PRH1: variants seen among roughly 807,000 people sequenced by gnomAD.
PRH1 encodes the protein proline rich protein HaeIII subfamily 1.
Under a neutral mutation model 7.9 loss-of-function variants are expected in PRH1, and 7 were observed. That is an observed-to-expected ratio of 0.89 (90% CI 0.50 to 1.67). The LOEUF (loss-of-function observed/expected upper bound fraction) is 1.67, where lower values mean the gene tolerates loss of function less well. Ranked by LOEUF, PRH1 falls within the 40% of genes most tolerant of loss-of-function variation. PRH1 has a pLI of 0.00. For missense variants in PRH1, 109 were observed against 223.6 expected (o/e 0.49, Z 3.27); for synonymous variants, 45 against 80.8 (o/e 0.56, Z 2.38).
intron 1 of PRH1, among the ~76,000 whole-genome samples, chr12:11,024,636 C>T (rs1384122706): frequency 6.6e-6 from 1 of 152,054 alleles, no homozygotes; most frequent in African/African-American, 2.4e-5. Flanking sequence ...CTTTTCACTT[C>T]TCTATATTTT....
At chr12:11,046,113 G>A (rs1288513606) in intron 1 of PRH1, among the ~76,000 whole-genome samples, 1 of 152,116 alleles carries the variant, frequency 6.6e-6, no homozygotes, top group Non-Finnish European at 1.5e-5. Context: ...CTCCTTGAAA[G>A]AGAATTACTT....
In PRH1 at chr12:10,881,189, C is replaced by T. The variant is rs530652352; in HGVS notation, c.*19-133G>A. On this transcript the variant is annotated intron_variant, in intron 3 of 3. Transcript: ENST00000543626. The stretch of plus-strand genomic sequence containing the variant: ...CTCTTGCCCTCTATCCCTTCTACAG[C>T]CCCCTTCTCCTTAGTAATATTTTCT... The T allele has an allele frequency of 4.0e-4, 62 of 153,636 alleles. No individual in the cohort carries two copies. The South Asian group carries it at 5.3e-3, about 13-fold the overall frequency. 9.5% of individuals were successfully genotyped at this position (153,636 alleles called of 1,614,324 possible).
intron 2 of PRH1, among the ~76,000 whole-genome samples, chr12:10,927,512 C>T (rs1443133839): frequency 6.6e-6 from 1 of 152,242 alleles, no homozygotes; most frequent in Non-Finnish European, 1.5e-5. Context: ...ATTAAGAATG[C>T]ATTCCCACTT....
rs190328695 is a variant in PRH1 at position 11,093,795 on chromosome 12, G to A, written n.124-46607C>T. On this transcript the variant is annotated intron_variant and non_coding_transcript_variant, in intron 1 of 4. Coordinates refer to the PRH1 transcript ENST00000541977. The stretch of plus-strand genomic sequence containing the variant: ...GAGATTTGAGATGGCTTCCATACTG[G>A]GGATTCTTCCTCTTTCCATAGAGAT... Among the ~76,000 whole-genome samples the A allele has an allele frequency of 1.8e-3, 204 of 113,154 alleles. 49 individuals carry two copies. Among genetic ancestry groups the A allele is most frequent in the African/African-American group, 5.9e-3 (201 of 33,858 alleles). 74.2% of individuals were successfully genotyped at this position (113,154 alleles called of 152,430 possible).
At chr12:10,983,307 G>T (rs1443232752) in intron 1 of PRH1, among the ~76,000 whole-genome samples, 1 of 152,164 alleles carries the variant, frequency 6.6e-6, no homozygotes, top group Non-Finnish European at 1.5e-5. Flanking sequence ...CTAAGCACAA[G>T]ACCCTGTGCA....
chr12:11,038,017 G>A (rs576496171), intron 1 of PRH1, among the ~76,000 whole-genome samples: 26 of 152,378 alleles, frequency 1.7e-4, no homozygotes, highest in South Asian at 1.4e-3. Context: ...ACTCCAGCCT[G>A]GGCAACAGAG....
At chr12:10,887,644 C>T (rs867934789), upstream of PRH1, among the ~76,000 whole-genome samples, 1 of 151,258 alleles carries the variant, frequency 6.6e-6, no homozygotes, top group African/African-American at 2.4e-5. Flanking sequence ...GCCTCAGCCT[C>T]CCAAGTAGCT....
intron 2 of PRH1, among the ~76,000 whole-genome samples, chr12:10,960,353 T>C (rs1296215486): frequency 6.6e-6 from 1 of 152,330 alleles, no homozygotes; most frequent in South Asian, 2.1e-4. Flanking sequence ...CCCTATTCAG[T>C]TAACCTATCT....
chr12:11,073,672 G>C (rs1193434319), intron 1 of PRH1, among the ~76,000 whole-genome samples: 51 of 152,054 alleles, frequency 3.4e-4, no homozygotes, highest in Admixed American at 5.9e-4. Context: ...GTTTCAAGTG[G>C]AATCCAGAAC....
intron 1 of PRH1, among the ~76,000 whole-genome samples, chr12:11,027,046 T>A (rs542670479): frequency 8.6e-6 from 1 of 116,082 alleles, no homozygotes; most frequent in East Asian, 2.7e-4. Context: ...GGGAAGATCA[T>A]TTGAGCCCAG....
chr12:11,143,135 G>C (rs1839859), intron 1 of PRH1, among the ~76,000 whole-genome samples: 1 of 151,714 alleles, frequency 6.6e-6, no homozygotes. Flanking sequence ...AATAGTTCCC[G>C]CAACCTTTGA....
intron 1 of PRH1, chr12:11,031,264 A>G (rs367891409): frequency 1.2e-4 from 191 of 1,613,960 alleles, no homozygotes; most frequent in Admixed American, 2.5e-4. Flanking sequence ...CTATGAAGCC[A>G]TTAGCAAAAT....
At chr12:10,946,545 T>A (rs1408901491) in intron 2 of PRH1, among the ~76,000 whole-genome samples, 1 of 152,228 alleles carries the variant, frequency 6.6e-6, no homozygotes, top group Non-Finnish European at 1.5e-5. Flanking sequence ...TCTTCTTAAT[T>A]AGTCTACCTA....
chr12:11,144,688 T>A (rs1946811891), intron 1 of PRH1, among the ~76,000 whole-genome samples: 1 of 152,204 alleles, frequency 6.6e-6, no homozygotes. Flanking sequence ...CCCCTGCTCC[T>A]CTGGCCACCC....
chr12:11,083,754 T>C (rs1944575683), intron 1 of PRH1, among the ~76,000 whole-genome samples: 1 of 152,304 alleles, frequency 6.6e-6, no homozygotes, highest in Non-Finnish European at 1.5e-5. Context: ...CTTTAGAATT[T>C]CACCACCAGT....
chr12:10,926,820 G>A (rs1399555605), intron 2 of PRH1, among the ~76,000 whole-genome samples: 1 of 152,174 alleles, frequency 6.6e-6, no homozygotes, highest in Non-Finnish European at 1.5e-5. Flanking sequence ...AAAAAGTTGG[G>A]ATGTGTTATG....
intron 2 of PRH1, among the ~76,000 whole-genome samples, chr12:10,941,437 C>G (rs1466781108): frequency 6.6e-6 from 1 of 152,088 alleles, no homozygotes; most frequent in Non-Finnish European, 1.5e-5. Context: ...ATTTCAGTGT[C>G]AAAGTTACAT....
chr12:11,056,443 G>C (rs1482192344), intron 1 of PRH1, among the ~76,000 whole-genome samples: 1 of 142,954 alleles, frequency 7.0e-6, no homozygotes, highest in South Asian at 2.3e-4. Context: ...GAGTCAGACT[G>C]CCAGGACAGG....
intron 1 of PRH1, among the ~76,000 whole-genome samples, chr12:11,123,934 T>A (rs1462726583): frequency 1.3e-5 from 2 of 152,254 alleles, no homozygotes; most frequent in Non-Finnish European, 2.9e-5. Flanking sequence ...AACGCCATGT[T>A]CTTTTTAAAA....
Sources: gnomAD v4.1 joint callset for allele counts (sites outside exome capture counted in the v4.1 genomes callset) on GRCh38, gnomAD v4.1.1 for gene constraint, MANE v1.5 for transcripts, NCBI Gene and HGNC (gene_info 2026-07-23, HGNC 2026-07-21) for gene names.